TPST1: variants seen among roughly 807,000 people sequenced by gnomAD.
TPST1 encodes tyrosylprotein sulfotransferase 1.
TPST1 carries 20 observed loss-of-function variants against 34.8 expected under a neutral mutation model. That is an observed-to-expected ratio of 0.57 (90% confidence interval 0.40 to 0.84). TPST1 has a LOEUF of 0.84. Ranked by LOEUF, TPST1 falls within the 40% of genes least tolerant of loss-of-function variation. The pLI, the probability that TPST1 is intolerant of heterozygous loss-of-function variation, is 0.00. For missense variants in TPST1, 353 were observed against 455.5 expected (o/e 0.78, Z 2.05); for synonymous variants, 152 against 159.4 (o/e 0.95, Z 0.35).
chr7:66,206,259 A>G (rs575969518), intron 1 of TPST1, among the ~76,000 whole-genome samples: 51 of 151,958 alleles, frequency 3.4e-4, no homozygotes, highest in African/African-American at 1.1e-3. Context: ...CGCCTGGCTC[A>G]GATCCATAGT....
Position 66,248,679 on chromosome 7 carries a change from T to TG in TPST1, c.845+7409_845+7410insG, listed in dbSNP as rs561348313. On this transcript the variant is annotated intron_variant, in intron 2 of 5. Transcript: ENST00000304842. ...CCACCACACCCAGCTAATTTTTTTT[T>TG]TGTGTGTGTGTTTTTAATAGAGATG... 9.3e-5 allele frequency among the ~76,000 whole-genome samples: 14 copies of TG among 151,270 alleles called. No individual in the cohort carries two copies. The East Asian group carries it at 2.6e-3, about 28-fold the overall frequency.
In TPST1 at chr7:66,316,018, G is replaced by A. The variant is rs528698255; in HGVS notation, c.1044+29309G>A. On this transcript the variant is annotated intron_variant, in intron 3 of 5. Coordinates refer to ENST00000304842, the MANE Select transcript of TPST1 (RefSeq NM_003596.4). The stretch of plus-strand genomic sequence containing the variant: ...CCAGCTACTCGGGAGGCTGAGGCAG[G>A]AGAATCGCTTGAACTCAGGATGCGG... Among the ~76,000 whole-genome samples, 364 of 151,770 alleles carry A rather than the reference G, an allele frequency of 2.4e-3. 2 individuals are homozygous for A. Among genetic ancestry groups the A allele is most frequent in the African/African-American group, 8.1e-3 (337 of 41,386 alleles).
chr7:66,350,752 A>G (rs1450820531), intron 3 of TPST1, among the ~76,000 whole-genome samples: 2 of 152,186 alleles, frequency 1.3e-5, no homozygotes, highest in South Asian at 2.1e-4. Context: ...TCTTGTTACA[A>G]TCGCGATTCC....
intron 2 of TPST1, among the ~76,000 whole-genome samples, chr7:66,249,762 A>G (rs1201809531): frequency 6.6e-6 from 1 of 152,200 alleles, no homozygotes; most frequent in Non-Finnish European, 1.5e-5. Flanking sequence ...AATTATTGCC[A>G]CACCATTTAT....
At chr7:66,325,927 C>A (rs1791857771) in intron 3 of TPST1, among the ~76,000 whole-genome samples, 1 of 152,188 alleles carries the variant, frequency 6.6e-6, no homozygotes, top group Non-Finnish European at 1.5e-5. Context: ...AGCCACCATG[C>A]CTGGCCTTTA....
chr7:66,249,927 A>G (rs1790228232), intron 2 of TPST1, among the ~76,000 whole-genome samples: 2 of 152,142 alleles, frequency 1.3e-5, no homozygotes. Context: ...TCTGTCTGGG[A>G]TGTACTTCCT....
intron 3 of TPST1, among the ~76,000 whole-genome samples, chr7:66,336,103 G>C (rs1792113753): frequency 6.6e-6 from 1 of 152,190 alleles, no homozygotes; most frequent in Non-Finnish European, 1.5e-5. Context: ...GAGGTCAGGG[G>C]ATCGAGACCA....
At chr7:66,228,072 G>T (rs1789702046) in intron 1 of TPST1, among the ~76,000 whole-genome samples, 1 of 152,086 alleles carries the variant, frequency 6.6e-6, no homozygotes, top group South Asian at 2.1e-4. Flanking sequence ...ATATTTCCAG[G>T]TTTAGTTTTT....
chr7:66,211,775 G>T (rs1472258655), intron 1 of TPST1, among the ~76,000 whole-genome samples: 3 of 152,178 alleles, frequency 2.0e-5, no homozygotes, highest in Non-Finnish European at 1.5e-5. Context: ...AGACCATCCT[G>T]GTCAACGTGG....
At chr7:66,234,400 TACACAC>T (rs56139529) in intron 1 of TPST1, among the ~76,000 whole-genome samples, 5 of 142,950 alleles carry the variant, frequency 3.5e-5, no homozygotes, top group African/African-American at 5.2e-5. Context: ...AAAGCATGGC[TACACAC>T]ACACACACAC....
At chr7:66,257,513 T>C (rs1790403706) in intron 2 of TPST1, among the ~76,000 whole-genome samples, 1 of 152,224 alleles carries the variant, frequency 6.6e-6, no homozygotes. Context: ...AGCTGTGTAG[T>C]TTTTTATTAG....
chr7:66,202,293 C>A (rs1183314687), upstream of TPST1, among the ~76,000 whole-genome samples: 1 of 152,130 alleles, frequency 6.6e-6, no homozygotes, highest in Non-Finnish European at 1.5e-5. Flanking sequence ...AGAGGCTGGA[C>A]CCTGCTTCTT....
intron 3 of TPST1, among the ~76,000 whole-genome samples, chr7:66,310,851 C>CG (rs1289012575): frequency 6.6e-6 from 1 of 151,584 alleles, no homozygotes; most frequent in Non-Finnish European, 1.5e-5. Context: ...GACAGGGTCT[C>CG]GCTCTGTTGC....
At chr7:66,296,106 A>G (rs1274941041) in intron 3 of TPST1, among the ~76,000 whole-genome samples, 1 of 152,140 alleles carries the variant, frequency 6.6e-6, no homozygotes, top group Non-Finnish European at 1.5e-5. Context: ...GCTTGGCTAG[A>G]TTATCCTTTG....
rs538222668 is a variant in TPST1, at chr7:66,267,778, G to A, written c.846-18733G>A. ...TTATGTACCTAGAATCATCCTGGGC[G>A]CATAAGATGGAGCAGCAGACAAAAC... On this transcript the variant is annotated intron_variant, in intron 2 of 5. Coordinates refer to ENST00000304842, the MANE Select transcript of TPST1 (RefSeq NM_003596.4). 4.6e-5 allele frequency among the ~76,000 whole-genome samples: 7 copies of A among 152,252 alleles called. No homozygotes were observed. In the East Asian group the frequency reaches 5.8e-4, roughly 13 times the overall value.
intron 2 of TPST1, among the ~76,000 whole-genome samples, chr7:66,273,280 T>G (rs1316873816): frequency 6.6e-6 from 1 of 152,190 alleles, no homozygotes; most frequent in Admixed American, 6.5e-5. Context: ...TGAAAGAAAC[T>G]GAACACACTA....
rs146816601 is a variant in TPST1, at chr7:66,236,577, C to T, written c.-101-3748C>T. ...CCAAACGGAACCAATGTACTTCTTA[C>T]ATATATTGATTGATGTCTCATGTCT... On this transcript the variant is annotated intron_variant, in intron 1 of 5. Coordinates refer to ENST00000304842, the MANE Select transcript of TPST1 (RefSeq NM_003596.4). 3.6e-3 allele frequency among the ~76,000 whole-genome samples: 543 copies of T among 152,218 alleles called. 3 individuals are homozygous for T. Among genetic ancestry groups the T allele is most frequent in the African/African-American group, 0.012 (512 of 41,526 alleles).
intron 2 of TPST1, among the ~76,000 whole-genome samples, chr7:66,243,147 G>T (rs897246178): frequency 7.5e-6 from 1 of 133,988 alleles, no homozygotes; most frequent in Non-Finnish European, 1.7e-5. Context: ...ATGACAAGGG[G>T]TGTGTGTGTG....
rs201123651 is a variant in TPST1 at position 66,241,286 on chromosome 7, G to A, written c.845+16G>A. On this transcript the variant is annotated intron_variant, in intron 2 of 5. Transcript: ENST00000304842. ...CTCTGTCAAAGTGAGTAGAAGATAC[G>A]TTTTTTATTTTGACTCTATATTTAG... is the stretch of plus-strand genomic sequence containing the variant. 3.1e-5 allele frequency: 49 copies of A among 1,579,556 alleles called. No homozygotes were observed. Among genetic ancestry groups the A allele is most frequent in the East Asian group, 1.1e-4 (5 of 44,582 alleles).
Sources: gnomAD v4.1 joint callset for allele counts (sites outside exome capture counted in the v4.1 genomes callset) on GRCh38, gnomAD v4.1.1 for gene constraint, MANE v1.5 for transcripts, NCBI Gene and HGNC (gene_info 2026-07-23, HGNC 2026-07-21) for gene names.